Variants in FAT3 observed in about 807,000 individuals in gnomAD.
FAT3 encodes the protein protocadherin Fat 3.
A neutral mutation model predicts 310.2 loss-of-function variants in FAT3; 95 were observed. The observed-to-expected ratio is 0.31, with a 90% CI of 0.26 to 0.36. The LOEUF is 0.36. FAT3 is among the 10% of genes least tolerant of loss of function. The pLI, the probability that FAT3 is intolerant of heterozygous loss-of-function variation, is 1.00. For missense variants in FAT3, 5,408 were observed against 5,715.6 expected, an observed-to-expected ratio of 0.95 and a Z score of 1.74; for synonymous variants, 2,314 against 2,192.9, an observed-to-expected ratio of 1.06 and a Z score of -1.54.
At chr11:92,573,044 T>C (rs899912598) in intron 3 of FAT3, among the ~76,000 whole-genome samples, 2 of 152,174 alleles carry the variant, frequency 1.3e-5, no homozygotes, top group Admixed American at 1.3e-4. Flanking sequence ...CTATTCTATT[T>C]TCTTTAATTT....
intron 22 of FAT3, among the ~76,000 whole-genome samples, chr11:92,878,634 T>TAAAAAAAAAAAAAAAAAAAA (rs145900689): frequency 2.8e-4 from 6 of 21,228 alleles, no homozygotes; most frequent in African/African-American, 7.1e-4. Flanking sequence ...TGTTATGTGT[T>TAAAAAAAAAAAAAAAAAAAA]AAAAAAAAAA....
At chr11:92,619,251 G>A (rs1041320454) in intron 3 of FAT3, among the ~76,000 whole-genome samples, 6 of 152,034 alleles carry the variant, frequency 3.9e-5, no homozygotes, top group African/African-American at 1.4e-4. Flanking sequence ...AGTATTTGTT[G>A]ATAACTTTTG....
At chr11:92,658,644 A>G (rs574894) in intron 3 of FAT3, among the ~76,000 whole-genome samples, 87,269 of 152,014 alleles carry the variant, frequency 0.57, 26,803 homozygotes, top group African/African-American at 0.8. Context: ...CTGACTCCGT[A>G]CTGACTTAAG....
intron 1 of FAT3, among the ~76,000 whole-genome samples, chr11:92,325,067 CT>C (rs2134510076): frequency 6.6e-6 from 1 of 152,320 alleles, no homozygotes; most frequent in African/African-American, 2.4e-5. Flanking sequence ...GGAGATATCT[CT>C]GGAATCTGAA....
chr11:92,768,890 G>A (rs1946388549), intron 6 of FAT3, among the ~76,000 whole-genome samples: 2 of 152,188 alleles, frequency 1.3e-5, no homozygotes, highest in Admixed American at 1.3e-4. Context: ...GAGACACTGA[G>A]TTACAGAGAA....
At chr11:92,656,395 C>T (rs568912566) in intron 3 of FAT3, among the ~76,000 whole-genome samples, 30 of 152,152 alleles carry the variant, frequency 2.0e-4, no homozygotes, top group Non-Finnish European at 3.5e-4. Context: ...CCATCAGCCT[C>T]CAATGTATAG....
intron 2 of FAT3, among the ~76,000 whole-genome samples, chr11:92,521,611 G>A (rs1565380880): frequency 6.6e-6 from 1 of 152,136 alleles, no homozygotes; most frequent in Non-Finnish European, 1.5e-5. Context: ...CGCTTGGGTT[G>A]AACATCTTCT....
chr11:92,673,063 G>A (rs898857158), intron 3 of FAT3, among the ~76,000 whole-genome samples: 15 of 152,048 alleles, frequency 9.9e-5, no homozygotes, highest in Admixed American at 5.2e-4. Context: ...TTCTGTTTTG[G>A]ATTATTACTA....
chr11:92,426,788 A>G (rs1950644312), intron 2 of FAT3, among the ~76,000 whole-genome samples: 1 of 152,160 alleles, frequency 6.6e-6, no homozygotes, highest in Non-Finnish European at 1.5e-5. Flanking sequence ...GCCTTGTACT[A>G]TAGTTTGAAG....
At chr11:92,583,961 G>A (rs1938988844) in intron 3 of FAT3, among the ~76,000 whole-genome samples, 1 of 152,082 alleles carries the variant, frequency 6.6e-6, no homozygotes, top group Non-Finnish European at 1.5e-5. Flanking sequence ...ACGAAGAGAA[G>A]TGCATGTTCT....
intron 1 of FAT3, among the ~76,000 whole-genome samples, chr11:92,278,824 G>A (rs1208308466): frequency 6.6e-6 from 1 of 152,068 alleles, no homozygotes; most frequent in Non-Finnish European, 1.5e-5. Flanking sequence ...CTAGAGGGAG[G>A]GATATTTCTC....
In FAT3 at chr11:92,577,825, T is replaced by C. The variant is rs897987295; in HGVS notation, c.3607+52877T>C. 1.1e-4 allele frequency among the ~76,000 whole-genome samples: 17 copies of C among 152,122 alleles called. 1 individual carries two copies. Among genetic ancestry groups the C allele is most frequent in the Admixed American group, 1.1e-3 (17 of 15,260 alleles). The stretch of plus-strand genomic sequence containing the variant: ...AATATCTATTTGTGATATGCAATTT[T>C]TTTCTTTTTGTGATATGTAATTTTT... On this transcript the variant is annotated intron_variant, in intron 3 of 27. Transcript: ENST00000525166.
At chr11:92,445,935 G>A (rs1306752803) in intron 2 of FAT3, among the ~76,000 whole-genome samples, 1 of 152,140 alleles carries the variant, frequency 6.6e-6, no homozygotes, top group Non-Finnish European at 1.5e-5. Flanking sequence ...AAAACCTGCT[G>A]TTAGAGCAAA....
chr11:92,512,201 T>A (rs1953315244), intron 2 of FAT3, among the ~76,000 whole-genome samples: 1 of 152,046 alleles, frequency 6.6e-6, no homozygotes, highest in African/African-American at 2.4e-5. Flanking sequence ...ATAAAGTATA[T>A]AAAAATATAT....
At chr11:92,431,007 A>G (rs878932931) in intron 2 of FAT3, among the ~76,000 whole-genome samples, 1 of 152,124 alleles carries the variant, frequency 6.6e-6, no homozygotes, top group Non-Finnish European at 1.5e-5. Flanking sequence ...ATGATTTATA[A>G]TCCTTTGGGT....
chr11:92,405,442 G>A (rs1377764491), intron 2 of FAT3, among the ~76,000 whole-genome samples: 1 of 152,160 alleles, frequency 6.6e-6, no homozygotes, highest in Non-Finnish European at 1.5e-5. Context: ...TCTTTCCAGT[G>A]GCTTCTAAGG....
intron 3 of FAT3, among the ~76,000 whole-genome samples, chr11:92,560,919 A>C (rs1955202881): frequency 1.3e-5 from 2 of 152,186 alleles, no homozygotes; most frequent in Non-Finnish European, 2.9e-5. Flanking sequence ...TTTCTGCAGA[A>C]ATACCAGAGT....
At chr11:92,733,415 G>T (rs1236437375) in intron 4 of FAT3, among the ~76,000 whole-genome samples, 1 of 152,070 alleles carries the variant, frequency 6.6e-6, no homozygotes, top group Non-Finnish European at 1.5e-5. Context: ...TCTACAAAAT[G>T]ATTGATTGTT....
At chr11:92,838,983 C>T (rs938551182) in intron 17 of FAT3, among the ~76,000 whole-genome samples, 1 of 152,172 alleles carries the variant, frequency 6.6e-6, no homozygotes, top group East Asian at 1.9e-4. Flanking sequence ...TTCCCCAGAG[C>T]TTCGCCCAGA....
Sources: allele counts gnomAD v4.1 joint callset (sites outside exome capture counted in the v4.1 genomes callset), GRCh38; gene constraint gnomAD v4.1.1; transcripts MANE v1.5; gene names NCBI Gene and HGNC (gene_info 2026-07-23, HGNC 2026-07-21).